Variants in CARS2 observed in about 807,000 individuals in gnomAD.
CARS2 encodes probable cysteine--tRNA ligase, mitochondrial.
CARS2 carries 52 observed loss-of-function variants against 68.8 expected under a neutral mutation model. That is an observed-to-expected ratio of 0.76 (90% CI 0.61 to 0.95). The LOEUF (loss-of-function observed/expected upper bound fraction) is 0.95, where lower values mean the gene tolerates loss of function less well. CARS2 is among the 40% of genes least tolerant of loss of function. CARS2 has a pLI of 0.00. For synonymous variants in CARS2, 314 were observed against 303.6 expected (o/e 1.03, Z -0.36); for missense variants, 780 against 754.2 (o/e 1.03, Z -0.40).
chr13:110,688,175 G>C (rs10219775), intron 3 of CARS2, among the ~76,000 whole-genome samples, 157 bp from the exon 4 acceptor site: 2 of 152,154 alleles, frequency 1.3e-5, no homozygotes, highest in Admixed American at 6.5e-5. Flanking sequence ...TCACCAAAGC[G>C]GGGGCACTCA....
chr13:110,666,718 T>C, intron 8 of CARS2: 1 of 985,418 alleles, frequency 1.0e-6, no homozygotes, highest in Non-Finnish European at 1.2e-6. Context: ...GAAGTTTGCA[T>C]CTCCAAATCC....
intron 7 of CARS2, 97 bp from the exon 8 acceptor site, chr13:110,667,570 T>C (rs982808571): frequency 9.3e-7 from 1 of 1,080,346 alleles, no homozygotes. Flanking sequence ...TTTAATTCAA[T>C]GAATAAATGG....
chr13:110,705,864 G>A lies in CARS2; in HGVS notation c.224+6C>T. 1 of 1,551,604 alleles carries A rather than the reference G, an allele frequency of 6.4e-7. No individual in the cohort carries two copies. On this transcript the variant is annotated splice_donor_region_variant and intron_variant, in intron 1 of 14. Coordinates refer to ENST00000257347, the MANE Select transcript of CARS2 (RefSeq NM_024537.4). This position sits in a 1 kb window ranked among gnomAD's most constrained non-coding sequence, Gnocchi z 4.0. ...CCCGCCCGTGCCCCAGTCCCGCGCG[G>A]CCCACCAGGAGGCGGCTTCGGCGTG... is the stretch of plus-strand genomic sequence containing the variant.
intron 3 of CARS2, among the ~76,000 whole-genome samples, chr13:110,689,860 C>G (rs1009798800): frequency 1.3e-5 from 2 of 152,132 alleles, no homozygotes; most frequent in African/African-American, 4.8e-5. Context: ...AAGGAAAAAA[C>G]CCAAAAGTAC....
chr13:110,686,006 AAG>A (rs1555354812), intron 5 of CARS2, among the ~76,000 whole-genome samples: 2 of 149,356 alleles, frequency 1.3e-5, no homozygotes, highest in African/African-American at 2.5e-5. Flanking sequence ...AAAAAAAAAA[AAG>A]AGAAAAAAAG....
intron 5 of CARS2, among the ~76,000 whole-genome samples, chr13:110,683,926 A>G (rs1205762965): frequency 6.6e-6 from 1 of 152,232 alleles, no homozygotes; most frequent in Non-Finnish European, 1.5e-5. Flanking sequence ...TCCGCTTTGC[A>G]GTCTGAGGTC....
intron 2 of CARS2, among the ~76,000 whole-genome samples, chr13:110,704,723 G>C (rs991650476): frequency 7.2e-5 from 11 of 151,938 alleles, no homozygotes; most frequent in African/African-American, 2.7e-4. Flanking sequence ...CTGGGCGACA[G>C]AGCGACTCCG....
Position 110,653,306 on chromosome 13 carries a change from G to A in CARS2, c.988-2206C>T, listed in dbSNP as rs537122637. ...TTCCATTTCCGTCTGTCCATCTCCC[G>A]GGTGCTCCTTCCCAAATTGTGAAAA... is the stretch of plus-strand genomic sequence containing the variant. On this transcript the variant is annotated intron_variant, in intron 9 of 14. Coordinates refer to ENST00000257347, the MANE Select transcript of CARS2 (RefSeq NM_024537.4). This position sits in a 1 kb window ranked among gnomAD's most constrained non-coding sequence, Gnocchi z 5.6. Among the ~76,000 whole-genome samples the A allele has an allele frequency of 6.6e-6, 1 of 152,124 alleles. No individual in the cohort carries two copies. The highest frequency in any genetic ancestry group is 1.9e-4 in the East Asian group (1 of 5,178).
chr13:110,677,442 A>G (rs2062991454), intron 6 of CARS2, among the ~76,000 whole-genome samples: 1 of 148,234 alleles, frequency 6.7e-6, no homozygotes, highest in Non-Finnish European at 1.5e-5. Flanking sequence ...CACCATGGAA[A>G]CACAATCACC....
At chr13:110,652,170 C>T (rs1319501264) in intron 9 of CARS2, among the ~76,000 whole-genome samples, 4 of 152,262 alleles carry the variant, frequency 2.6e-5, no homozygotes, top group Admixed American at 1.3e-4. Flanking sequence ...CGGGTAAACC[C>T]GATACCCTCT....
At chr13:110,713,480 C>T (rs904825004) in exon 1 of CARS2, 3 of 988,458 alleles carry the variant, frequency 3.0e-6, no homozygotes, top group Non-Finnish European at 3.6e-6. Flanking sequence ...ACCCCAGCGG[C>T]CCTGACGCTG....
chr13:110,713,304 A>G (rs925405835), exon 1 of CARS2: 124 of 1,204,236 alleles, frequency 1.0e-4, no homozygotes, highest in Middle Eastern at 3.3e-4. Flanking sequence ...GCTGTGTACC[A>G]TGGTCTCGGA....
At position 110,658,759 on chromosome 13, in the gene CARS2, C is replaced by A. The variant is rs140480912; in HGVS notation, c.987+4692G>T. ...CCAACATGGTGAAACCCTGTCTCTA[C>A]TAAACAAAACAAAACAAAAATTAGC... On this transcript the variant is annotated intron_variant, in intron 9 of 14. Transcript: ENST00000257347. Among the ~76,000 whole-genome samples, 1,251 of 152,118 alleles carry A rather than the reference C, an allele frequency of 8.2e-3. 25 individuals carry two copies. The highest frequency in any genetic ancestry group is 0.028 in the African/African-American group (1,181 of 41,488).
chr13:110,688,168 C>T (rs1237487381), intron 3 of CARS2, 150 bp from the exon 4 acceptor site: 2 of 528,534 alleles, frequency 3.8e-6, no homozygotes, highest in East Asian at 5.9e-5. Context: ...CACCCACTCA[C>T]CAAAGCGGGG....
chr13:110,692,980 G>A (rs1300649030), intron 3 of CARS2, among the ~76,000 whole-genome samples: 2 of 150,456 alleles, frequency 1.3e-5, no homozygotes, highest in Admixed American at 1.3e-4. Context: ...TGTGGTGGTG[G>A]GCGCCTGTAA....
Position 110,665,509 on chromosome 13 carries a change from C to T in CARS2, c.919+1831G>A. 2 of 985,498 alleles carry T rather than the reference C, an allele frequency of 2.0e-6. No homozygotes were observed. The highest frequency in any genetic ancestry group is 2.4e-6 in the Non-Finnish European group (2 of 829,976). 61.0% of individuals were successfully genotyped at this position (985,498 alleles called of 1,614,324 possible). Reference sequence around the variant, plus strand: ...GGTGAACACGACCTCCGTTTCTAGACCCGGCCCCTCCTCATTACCTGACAG... The same window carrying T: ...GGTGAACACGACCTCCGTTTCTAGATCCGGCCCCTCCTCATTACCTGACAG... On this transcript the variant is annotated intron_variant, in intron 8 of 14. Coordinates refer to ENST00000257347, the MANE Select transcript of CARS2 (RefSeq NM_024537.4). The surrounding 1 kb of genome is among the most constrained non-coding windows in gnomAD (Gnocchi z 4.3).
At chr13:110,693,202 C>G (rs2063525368) in intron 3 of CARS2, among the ~76,000 whole-genome samples, 1 of 151,316 alleles carries the variant, frequency 6.6e-6, no homozygotes, top group Non-Finnish European at 1.5e-5. Context: ...AAAGGCTCAT[C>G]AGGTAGAATA....
chr13:110,682,895 TC>T (rs2063198298), intron 6 of CARS2, among the ~76,000 whole-genome samples, 155 bp downstream of exon 6: 1 of 152,044 alleles, frequency 6.6e-6, no homozygotes, highest in Non-Finnish European at 1.5e-5. Context: ...GCTGGAGCCA[TC>T]CACAGAAACC....
chr13:110,705,903 G>T lies in CARS2; in HGVS notation c.191C>A (p.Pro64His), dbSNP rs1228390705. 5.1e-6 allele frequency: 8 copies of T among 1,575,696 alleles called. No individual in the cohort carries two copies. Among genetic ancestry groups the T allele is most frequent in the South Asian group, 2.3e-5 (2 of 86,358 alleles). ...GGCTTCGGCGTGCGCCACGATTAGG[G>T]GTTCCTTCCTCCCGGTGAGGCTGTT... ...VYNSLTGRKE[P>H]LIVAHAEAAS... The change falls in exon 1 of 15, where the codon CCC becomes CAC. Residue 64 changes from proline to histidine, a missense_variant. Coordinates refer to ENST00000257347, the MANE Select transcript of CARS2 (RefSeq NM_024537.4). The surrounding 1 kb of genome is among the most constrained non-coding windows in gnomAD (Gnocchi z 4.0).
Sources: allele counts gnomAD v4.1 joint callset (sites outside exome capture counted in the v4.1 genomes callset), GRCh38; gene constraint gnomAD v4.1.1; non-coding constraint Gnocchi (gnomAD v3.1); transcripts MANE v1.5; gene names NCBI Gene and HGNC (gene_info 2026-07-23, HGNC 2026-07-21).